The following SDR9C7 variants were observed in gnomAD, a reference collection of about 807,000 sequenced individuals.
SDR9C7 encodes the protein short chain dehydrogenase/reductase family 9C member 7, also known as short-chain dehydrogenase/reductase family 9C member 7.
SDR9C7 carries 11 observed loss-of-function variants against 23.6 expected under a neutral mutation model. The observed-to-expected ratio is 0.47, with a 90% CI of 0.29 to 0.77. The LOEUF is 0.77. Ranked by LOEUF, SDR9C7 falls within the 30% of genes least tolerant of loss-of-function variation. The probability of loss-of-function intolerance (pLI) is 0.09; values close to 1 mark genes in which losing one functional copy is unlikely to be tolerated. For synonymous variants in SDR9C7, 167 were observed against 157.3 expected (o/e 1.06, Z -0.46); for missense variants, 387 against 407.1 (o/e 0.95, Z 0.42).
At chr12:56,926,880 G>C (rs1318893262) in intron 3 of SDR9C7, among the ~76,000 whole-genome samples, 2 of 152,166 alleles carry the variant, frequency 1.3e-5, no homozygotes, top group Admixed American at 6.5e-5. Flanking sequence ...CCTCTGTAAG[G>C]CTTCTGTGAC....
intron 1 of SDR9C7, among the ~76,000 whole-genome samples, chr12:56,931,180 C>T (rs1205337794): frequency 2.0e-5 from 3 of 151,894 alleles, no homozygotes; most frequent in Non-Finnish European, 4.4e-5. Context: ...TTACCTTGTT[C>T]GAGGTTACAG....
At position 56,934,210 on chromosome 12, in the gene SDR9C7, T is replaced by A. The variant is rs1379792462; in HGVS notation, c.52A>T (p.Asn18Tyr). 1.9e-6 allele frequency: 3 copies of A among 1,614,080 alleles called. No individual in the cohort carries two copies. The East Asian group carries it at 6.7e-5, about 36-fold the overall frequency. The change falls in exon 1 of 4, where the codon AAT becomes TAT. Residue 18 changes from asparagine (N) to tyrosine (Y), a missense_variant. Asn to Tyr is a moderately radical substitution (Grantham distance 143). Transcript: ENST00000293502. The part of the protein sequence containing the change: ...SFMYRWFKNC[N>Y]LVGNLSEKYV... Reference sequence around the variant, plus strand: ...TTCTCTGAGAGGTTGCCAACCAGATTGCAGTTCTTGAACCAGCGATACATA... The same window carrying A: ...TTCTCTGAGAGGTTGCCAACCAGATAGCAGTTCTTGAACCAGCGATACATA...
intron 2 of SDR9C7, 73 bp downstream of exon 2, chr12:56,930,153 A>C: frequency 6.5e-7 from 1 of 1,547,438 alleles, no homozygotes; most frequent in East Asian, 2.3e-5. Flanking sequence ...CCCTGCCCAC[A>C]TGCTGTCACT....
In SDR9C7 at chr12:56,933,955, C is replaced by A; in HGVS notation, c.301+6G>T. On this transcript the variant is annotated splice_donor_region_variant and intron_variant, in intron 1 of 3. Transcript: ENST00000293502. ...CAAGAAAGCCAAAGAATGTAATTCG[C>A]CCCACCTTGTTCGCCCACTTTGTCC... 3 of 1,601,660 alleles carry A rather than the reference C, an allele frequency of 1.9e-6. No individual in the cohort carries two copies. Among genetic ancestry groups the A allele is most frequent in the East Asian group, 4.5e-5 (2 of 44,598 alleles).
chr12:56,929,983 G>A lies in SDR9C7; in HGVS notation c.560+243C>T, dbSNP rs377426572. 4.1e-4 allele frequency among the ~76,000 whole-genome samples: 63 copies of A among 152,338 alleles called. No individual in the cohort carries two copies. In the South Asian group the frequency reaches 0.011, roughly 26 times the overall value. On this transcript the variant is annotated intron_variant, in intron 2 of 3. Coordinates refer to ENST00000293502, the MANE Select transcript of SDR9C7 (RefSeq NM_148897.3). ...CTCCCTCCTCTCACAGGCCCAAACA[G>A]GGTTTCACTCACCCTGGTGCCGCTC...
At chr12:56,929,245 C>T (rs1298789404) in intron 3 of SDR9C7, 145 bp downstream of exon 3, 4 of 805,314 alleles carry the variant, frequency 5.0e-6, no homozygotes, top group Non-Finnish European at 7.8e-6. Context: ...GCTCTCTATT[C>T]TCAAACCCCA....
intron 1 of SDR9C7, 92 bp from the exon 2 acceptor site, chr12:56,930,576 T>C: frequency 2.1e-6 from 3 of 1,417,202 alleles, no homozygotes; most frequent in East Asian, 4.8e-5. Context: ...TCAAGGATGG[T>C]TGAGCAGGTG....
In SDR9C7 at chr12:56,934,046, C is replaced by T. The variant is rs765599573; in HGVS notation, c.216G>A (p.Arg72=). 9 of 1,614,086 alleles carry T rather than the reference C, an allele frequency of 5.6e-6. No individual in the cohort carries two copies. Among genetic ancestry groups the T allele is most frequent in the South Asian group, 1.1e-5 (1 of 91,090 alleles). ...TGACATCCAGTAGGGTGGTCTGCAG[C>T]CGATAGGAGGTATCCCGCTGAAGTT... ...SQKLQRDTSY[R]LQTTLLDVTK... Residue 72 remains arginine (R), a synonymous_variant, in exon 1 of 4, where the codon CGG becomes CGA. Coordinates refer to ENST00000293502, the MANE Select transcript of SDR9C7 (RefSeq NM_148897.3).
intron 2 of SDR9C7, 85 bp from the exon 3 acceptor site, chr12:56,929,638 G>A: frequency 6.8e-7 from 1 of 1,470,720 alleles, no homozygotes; most frequent in Non-Finnish European, 9.4e-7. Context: ...GGTCTTTCAG[G>A]AACCTAGAGA....
chr12:56,930,157 T>G, intron 2 of SDR9C7, 69 bp downstream of exon 2: 1 of 1,558,064 alleles, frequency 6.4e-7, no homozygotes, highest in East Asian at 2.3e-5. Flanking sequence ...GCCCACATGC[T>G]GTCACTCCCA....
chr12:56,928,741 T>G (rs761006570), intron 3 of SDR9C7, among the ~76,000 whole-genome samples: 3 of 152,116 alleles, frequency 2.0e-5, no homozygotes, highest in Non-Finnish European at 2.9e-5. Context: ...TGGCAGAAAG[T>G]TTTGGGGCAG....
chr12:56,932,778 C>T lies in SDR9C7; in HGVS notation c.301+1183G>A, dbSNP rs116893305. 5.2e-3 allele frequency among the ~76,000 whole-genome samples: 795 copies of T among 152,328 alleles called. 13 individuals are homozygous for T. The highest frequency in any genetic ancestry group is 6.8e-3 in the Middle Eastern group (2 of 294). ...ACAGTAAATAAAAGGGACAAAAATC[C>T]TTGTCCCCAGGAAGCTTTATTCTAG... On this transcript the variant is annotated intron_variant, in intron 1 of 3. Transcript: ENST00000293502.
chr12:56,924,057 G>C lies in SDR9C7; in HGVS notation c.725-7C>G, dbSNP rs1350258108. ...TTTTTTAACTTGTCAGTATCTGTTT[G>C]AGGGCAGAGAGGGGAAAAAGGCTCT... On this transcript the variant is annotated splice_polypyrimidine_tract_variant and splice_region_variant and intron_variant, in intron 3 of 3. Coordinates refer to ENST00000293502, the MANE Select transcript of SDR9C7 (RefSeq NM_148897.3). The C allele has an allele frequency of 6.3e-7, 1 of 1,578,400 alleles. No individual in the cohort carries two copies. The highest frequency in any genetic ancestry group is 1.7e-5 in the Admixed American group (1 of 59,558).
Position 56,934,284 on chromosome 12 carries a change from C to A in SDR9C7, c.-23G>T. 1 of 1,597,236 alleles carries A rather than the reference C, an allele frequency of 6.3e-7. No individual in the cohort carries two copies. Among genetic ancestry groups the A allele is most frequent in the South Asian group, 1.1e-5 (1 of 88,534 alleles). On this transcript the variant is annotated 5_prime_UTR_variant, in exon 1 of 4. Coordinates refer to ENST00000293502, the MANE Select transcript of SDR9C7 (RefSeq NM_148897.3). ...CATAGGGCAAGGGGAATGTGATGGCCAAGAGGGACTGGGCTCAGGAGACAG... is the reference window on the plus strand; with the variant it reads ...CATAGGGCAAGGGGAATGTGATGGCAAAGAGGGACTGGGCTCAGGAGACAG...
rs370752829 is a variant in SDR9C7, at chr12:56,930,291, C to A, written c.495G>T (p.Val165=). Residue 165 remains valine (V), a synonymous_variant, in exon 2 of 4, where the codon GTG becomes GTT. Coordinates refer to ENST00000293502, the MANE Select transcript of SDR9C7 (RefSeq NM_148897.3). ...VVNMSSSGGR[V]AVIGGGYCVS... The stretch of plus-strand genomic sequence containing the variant: ...CGCAGTAGCCACCACCAATGACAGC[C>A]ACACGACCACCAGAGCTGGACATGT... 9.7e-5 allele frequency: 157 copies of A among 1,614,038 alleles called. No homozygotes were observed. The highest frequency in any genetic ancestry group is 1.3e-4 in the Non-Finnish European group (154 of 1,180,038).
chr12:56,930,000 G>A (rs953243398), intron 2 of SDR9C7, among the ~76,000 whole-genome samples: 2 of 152,178 alleles, frequency 1.3e-5, no homozygotes, highest in African/African-American at 4.8e-5. Context: ...ACTCACCCTG[G>A]TGCCGCTCAA....
intron 1 of SDR9C7, among the ~76,000 whole-genome samples, chr12:56,933,363 C>CT (rs372897467): frequency 2.0e-5 from 3 of 150,786 alleles, no homozygotes; most frequent in South Asian, 4.2e-4. Flanking sequence ...CTTTTTTTTT[C>CT]TTTTTTTTCT....
At chr12:56,927,939 T>C (rs1955744477) in intron 3 of SDR9C7, among the ~76,000 whole-genome samples, 1 of 152,232 alleles carries the variant, frequency 6.6e-6, no homozygotes, top group African/African-American at 2.4e-5. Flanking sequence ...GCATTGGATC[T>C]TCTGTCACTG....
At chr12:56,930,868 C>G (rs1269698752) in intron 1 of SDR9C7, among the ~76,000 whole-genome samples, 12 of 152,196 alleles carry the variant, frequency 7.9e-5, no homozygotes, top group Admixed American at 7.9e-4. Context: ...TCACATACTA[C>G]CAAAATCAAT....
Sources: allele counts gnomAD v4.1 joint callset (sites outside exome capture counted in the v4.1 genomes callset), GRCh38; gene constraint gnomAD v4.1.1; transcripts MANE v1.5; gene names NCBI Gene and HGNC (gene_info 2026-07-23, HGNC 2026-07-21).